Variants in LAMA4 observed in about 807,000 individuals in gnomAD.
LAMA4 encodes the protein laminin subunit alpha-4.
In LAMA4, 127 loss-of-function variants were observed where a neutral mutation model predicts 207.1. That is an observed-to-expected ratio of 0.61 (90% CI 0.53 to 0.71). The LOEUF is 0.71. LAMA4 is among the 30% of genes least tolerant of loss of function. LAMA4 has a pLI of 0.00. For synonymous variants in LAMA4, 761 were observed against 816.0 expected (o/e 0.93, Z 1.15); for missense variants, 2,093 against 2,246.5 (o/e 0.93, Z 1.38).
chr6:112,244,180 G>T (rs1584002664), intron 2 of LAMA4, among the ~76,000 whole-genome samples: 1 of 152,188 alleles, frequency 6.6e-6, no homozygotes, highest in African/African-American at 2.4e-5. Flanking sequence ...CAAAGACCCC[G>T]CAGTAAAGAA....
chr6:112,177,264 TG>T (rs1287403290), intron 10 of LAMA4, among the ~76,000 whole-genome samples: 1 of 152,240 alleles, frequency 6.6e-6, no homozygotes, highest in Non-Finnish European at 1.5e-5. Context: ...CTTGCTTTTA[TG>T]TATCCCTTTG....
chr6:112,109,529 G>A lies in LAMA4; in HGVS notation c.5380C>T (p.Arg1794Cys), dbSNP rs781802725. The change falls in exon 39 of 39, where the codon CGC (arginine) becomes TGC (cysteine). Residue 1794 changes from arginine (R) to cysteine (C), a missense_variant. By Grantham distance (180) the Arg-to-Cys change is radical. Coordinates refer to ENST00000230538, the MANE Select transcript of LAMA4 (RefSeq NM_001105206.3). Reference sequence around the variant, plus strand: ...GGGTGTCCATCAATCACAAAGTGGCGTATGCAGCCTGTGAAGGGTTTGCTG... The same window carrying A: ...GGGTGTCCATCAATCACAAAGTGGCATATGCAGCCTGTGAAGGGTTTGCTG... ...APSKPFTGCI[R>C]HFVIDGHPVS... is the part of the protein sequence containing the mutation. 16 of 1,613,958 alleles carry A rather than the reference G, an allele frequency of 9.9e-6. No homozygotes were observed. In the Admixed American group the frequency reaches 1.2e-4, roughly 12 times the overall value.
intron 5 of LAMA4, 21 bp from the exon 6 acceptor site, chr6:112,191,871 T>C (rs1783141663): frequency 6.5e-7 from 1 of 1,527,200 alleles, no homozygotes; most frequent in Admixed American, 1.7e-5. Flanking sequence ...ATATCACACA[T>C]TTAAATATTT....
At position 112,129,607 on chromosome 6, in the gene LAMA4, C is replaced by T. The variant is rs114371711; in HGVS notation, c.4133+269G>A. Among the ~76,000 whole-genome samples, 620 of 152,234 alleles carry T rather than the reference C, an allele frequency of 4.1e-3. 7 individuals carry two copies. Among genetic ancestry groups the T allele is most frequent in the African/African-American group, 0.012 (487 of 41,538 alleles). ...GTGCATTATCTTCTCATTTACCCTT[C>T]ATGACAAACCTACCAAGTAGGCACC... On this transcript the variant is annotated intron_variant, in intron 30 of 38. Coordinates refer to ENST00000230538, the MANE Select transcript of LAMA4 (RefSeq NM_001105206.3).
chr6:112,109,262 G>C lies in LAMA4; in HGVS notation c.*175C>G. Reference sequence around the variant, plus strand: ...CCATTGCAGACACTTTGGATTCAAGGTTAAGAATCCAAATGAGAAATAAGA... The same window carrying C: ...CCATTGCAGACACTTTGGATTCAAGCTTAAGAATCCAAATGAGAAATAAGA... On this transcript the variant is annotated 3_prime_UTR_variant, in exon 39 of 39. Coordinates refer to ENST00000230538, the MANE Select transcript of LAMA4 (RefSeq NM_001105206.3). 3 of 742,372 alleles carry C rather than the reference G, an allele frequency of 4.0e-6. No homozygotes were observed. The highest frequency in any genetic ancestry group is 6.7e-6 in the Non-Finnish European group (3 of 449,608). 46.0% of individuals were successfully genotyped at this position (742,372 alleles called of 1,614,324 possible).
intron 5 of LAMA4, among the ~76,000 whole-genome samples, chr6:112,192,382 G>T (rs2072023): frequency 0.33 from 50,856 of 152,100 alleles, 8,883 homozygotes; most frequent in Non-Finnish European, 0.39. Context: ...AGGGTCATGG[G>T]GTGGCATTCT....
At chr6:112,244,928 T>G (rs1167138073) in intron 2 of LAMA4, among the ~76,000 whole-genome samples, 2 of 152,212 alleles carry the variant, frequency 1.3e-5, no homozygotes. Context: ...TCAGGGTGTC[T>G]ATTGGCATTA....
chr6:112,235,560 T>C (rs916118883), intron 2 of LAMA4, among the ~76,000 whole-genome samples: 5 of 152,230 alleles, frequency 3.3e-5, no homozygotes, highest in Admixed American at 6.5e-5. Context: ...CTTAAGGTCA[T>C]GTGGAAACCT....
intron 2 of LAMA4, among the ~76,000 whole-genome samples, chr6:112,222,530 C>A (rs1386956231): frequency 6.6e-6 from 1 of 152,136 alleles, no homozygotes; most frequent in African/African-American, 2.4e-5. Flanking sequence ...TGACTTAGAG[C>A]CTGAGGAATT....
intron 6 of LAMA4, among the ~76,000 whole-genome samples, chr6:112,190,947 C>CCTTCTTTCTTTCTTTCTTT: frequency 2.5e-5 from 1 of 40,514 alleles, no homozygotes; most frequent in African/African-American, 1.1e-4. Flanking sequence ...TTCTTTCTTT[C>CCTTCTTTCTTTCTTTCTTT]CTTTCTTTCT....
intron 2 of LAMA4, among the ~76,000 whole-genome samples, chr6:112,248,057 T>C (rs1787126860): frequency 1.3e-5 from 2 of 152,120 alleles, no homozygotes; most frequent in Non-Finnish European, 2.9e-5. Flanking sequence ...CAAAGTAGAA[T>C]TGTTGTTGCC....
chr6:112,122,049 T>C lies in LAMA4; in HGVS notation c.4440A>G (p.Gln1480=). 1 of 1,614,050 alleles carries C rather than the reference T, an allele frequency of 6.2e-7. No homozygotes were observed. Among genetic ancestry groups the C allele is most frequent in the East Asian group, 2.2e-5 (1 of 44,858 alleles). ...AATCTCCTTTTAAGTGTTCAAACTC[T>C]TGGCGGCTGTTGGCTGTTCCTCCAT... ...YQYGGTANSR[Q]EFEHLKGDFG... The change falls in exon 32 of 39, where the codon CAA becomes CAG. Residue 1480 remains glutamine (Q), a synonymous_variant. Transcript: ENST00000230538.
In LAMA4 at chr6:112,248,091, C is replaced by T. The variant is rs541177253; in HGVS notation, c.195+5865G>A. ...CCAGGGGCTGGAGGAAGGAGTTAAT[C>T]GGAAGTTATCATTTAATGGGTTTCA... is the stretch of plus-strand genomic sequence containing the variant. On this transcript the variant is annotated intron_variant, in intron 2 of 38. Transcript: ENST00000230538. Among the ~76,000 whole-genome samples the T allele has an allele frequency of 2.2e-4, 34 of 152,040 alleles. 1 individual carries two copies. The highest frequency in any genetic ancestry group is 8.8e-5 in the Non-Finnish European group (6 of 68,010).
intron 5 of LAMA4, among the ~76,000 whole-genome samples, chr6:112,199,736 G>A (rs2114995511): frequency 6.7e-6 from 1 of 149,380 alleles, no homozygotes; most frequent in South Asian, 2.1e-4. Context: ...CCTTCCAAGT[G>A]CAAAGATTTT....
chr6:112,148,623 T>C (rs1019211978), intron 17 of LAMA4, among the ~76,000 whole-genome samples: 5 of 152,182 alleles, frequency 3.3e-5, no homozygotes, highest in African/African-American at 1.2e-4. Context: ...ATTGCAAATA[T>C]CACTGTCTTT....
In LAMA4 at chr6:112,124,322, T is replaced by C. The variant is rs186309624; in HGVS notation, c.4288-2121A>G. ...GTTATTTGAAACAGAACAATCTCAA[T>C]TTACCAGCCTTGCCTTACTCTGCTT... On this transcript the variant is annotated intron_variant, in intron 31 of 38. Coordinates refer to ENST00000230538, the MANE Select transcript of LAMA4 (RefSeq NM_001105206.3). 1.4e-3 allele frequency among the ~76,000 whole-genome samples: 208 copies of C among 152,294 alleles called. 1 individual carries two copies. Among genetic ancestry groups the C allele is most frequent in the African/African-American group, 4.6e-3 (191 of 41,568 alleles).
Position 112,206,945 on chromosome 6 carries a change from G to A in LAMA4, c.422+76C>T, listed in dbSNP as rs192648952. On this transcript the variant is annotated intron_variant, in intron 4 of 38. Coordinates refer to ENST00000230538, the MANE Select transcript of LAMA4 (RefSeq NM_001105206.3). ...GAGAAACCTCAGAACTCTGGGATAA[G>A]GCAAAACAAAACAAAACAAAACAAA... 7.3e-4 allele frequency: 1,123 copies of A among 1,539,378 alleles called. 4 individuals carry two copies. Among genetic ancestry groups the A allele is most frequent in the African/African-American group, 2.5e-3 (152 of 60,860 alleles).
chr6:112,153,940 A>G (rs1353902533), intron 16 of LAMA4, among the ~76,000 whole-genome samples: 2 of 152,162 alleles, frequency 1.3e-5, no homozygotes, highest in Non-Finnish European at 2.9e-5. Flanking sequence ...TTCTCTGTGT[A>G]ATGGCTCTTT....
chr6:112,217,112 C>T (rs1784672927), intron 2 of LAMA4, among the ~76,000 whole-genome samples: 1 of 152,126 alleles, frequency 6.6e-6, no homozygotes, highest in Non-Finnish European at 1.5e-5. Flanking sequence ...CATGACTTTC[C>T]CTTATCCTAG....
Sources: allele counts gnomAD v4.1 joint callset (sites outside exome capture counted in the v4.1 genomes callset), GRCh38; gene constraint gnomAD v4.1.1; transcripts MANE v1.5; gene names NCBI Gene and HGNC (gene_info 2026-07-23, HGNC 2026-07-21).